ACTR3C: variants seen among roughly 807,000 people sequenced by gnomAD.
ACTR3C encodes the protein actin related protein 3C.
Under a neutral mutation model 26.3 loss-of-function variants are expected in ACTR3C, and 18 were observed. The observed-to-expected ratio is 0.68, with a 90% confidence interval of 0.47 to 1.01. The LOEUF is 1.01. Among genes scored for constraint, ACTR3C ranks in the 50% least tolerant of loss-of-function variants. The probability of loss-of-function intolerance (pLI) is 0.00; values close to 1 mark genes in which losing one functional copy is unlikely to be tolerated. For missense variants in ACTR3C, 184 were observed against 250.7 expected (o/e 0.73, Z 1.80); for synonymous variants, 55 against 94.5 (o/e 0.58, Z 2.42).
At chr7:150,138,368 C>T in the ACTR3C span, among the ~76,000 whole-genome samples, 46 of 150,728 alleles carry the variant, frequency 3.1e-4, no homozygotes, top group Non-Finnish European at 4.6e-4. Flanking sequence ...GAAGAAGGAG[C>T]CACTAGCATC....
At chr7:150,235,020 C>A in the ACTR3C span, among the ~76,000 whole-genome samples, 1 of 152,184 alleles carries the variant, frequency 6.6e-6, no homozygotes, top group Non-Finnish European at 1.5e-5. Flanking sequence ...TAACTGCAGA[C>A]CACATTAGCA....
the ACTR3C span, among the ~76,000 whole-genome samples, chr7:149,896,217 A>T: frequency 6.6e-6 from 1 of 152,230 alleles, no homozygotes; most frequent in African/African-American, 2.4e-5. Context: ...ACAGTTTCTG[A>T]TATGAACTAA....
intron 1 of ACTR3C, among the ~76,000 whole-genome samples, chr7:150,317,195 G>T (rs976083464): frequency 2.0e-5 from 3 of 151,954 alleles, no homozygotes; most frequent in African/African-American, 7.3e-5. Flanking sequence ...GGGATTACAG[G>T]CGTGCAGCAT....
At chr7:150,256,895 T>C (rs1833257933) in intron 6 of ACTR3C, among the ~76,000 whole-genome samples, 1 of 152,214 alleles carries the variant, frequency 6.6e-6, no homozygotes. Context: ...TAAACATGGT[T>C]CATTTAATAA....
At chr7:150,053,055 C>T in the ACTR3C span, among the ~76,000 whole-genome samples, 1 of 102,186 alleles carries the variant, frequency 9.8e-6, no homozygotes, top group East Asian at 3.4e-4. Flanking sequence ...CAAATAATCA[C>T]CTCTCACCCT....
chr7:150,092,014 A>AAAAAAAAAG, the ACTR3C span, among the ~76,000 whole-genome samples: 2 of 144,594 alleles, frequency 1.4e-5, no homozygotes, highest in African/African-American at 2.6e-5. Flanking sequence ...AAAAAAAAAA[A>AAAAAAAAAG]AAAAAAAAGA....
chr7:149,980,527 G>A, the ACTR3C span, among the ~76,000 whole-genome samples: 1 of 152,154 alleles, frequency 6.6e-6, no homozygotes, highest in African/African-American at 2.4e-5. Flanking sequence ...TGAAGCTAGT[G>A]TTTCATTCTT....
At chr7:150,298,180 AAGGAGCT>A (rs1479505568) in intron 1 of ACTR3C, among the ~76,000 whole-genome samples, 2 of 150,792 alleles carry the variant, frequency 1.3e-5, no homozygotes, top group African/African-American at 4.9e-5. Flanking sequence ...TTACAGCAGG[AAGGAGCT>A]AGTTACCCCT....
the ACTR3C span, among the ~76,000 whole-genome samples, chr7:150,117,791 G>C: frequency 2.0e-5 from 3 of 152,232 alleles, no homozygotes; most frequent in Non-Finnish European, 4.4e-5. Flanking sequence ...CTGATGGGGA[G>C]ACACCTCCCA....
At chr7:150,047,914 G>A in the ACTR3C span, 1 of 1,338,630 alleles carries the variant, frequency 7.5e-7, no homozygotes, top group Admixed American at 2.3e-5. Context: ...TTTCTCTCCG[G>A]TTCCCACTCC....
At chr7:150,227,690 TTTTTTTTTTTG>T in the ACTR3C span, among the ~76,000 whole-genome samples, 1 of 129,564 alleles carries the variant, frequency 7.7e-6, no homozygotes, top group Admixed American at 7.5e-5. Flanking sequence ...GTGTCTGGGT[TTTTTTTTTTTG>T]TTTTTTTTTT....
chr7:150,123,766 GC>G, the ACTR3C span, among the ~76,000 whole-genome samples: 2 of 152,206 alleles, frequency 1.3e-5, no homozygotes, highest in Non-Finnish European at 2.9e-5. Context: ...ATGAAAAAGA[GC>G]CAGAAGCTCC....
chr7:150,304,605 C>A (rs1208300212), intron 1 of ACTR3C, among the ~76,000 whole-genome samples: 1 of 151,916 alleles, frequency 6.6e-6, no homozygotes, highest in African/African-American at 2.4e-5. Context: ...AACTCTCCTT[C>A]TTCCTCCTCC....
the ACTR3C span, among the ~76,000 whole-genome samples, chr7:149,903,603 G>A: frequency 0.031 from 4,558 of 149,330 alleles, 8 homozygotes; most frequent in Middle Eastern, 0.089. Context: ...GTGTAGTGGC[G>A]CAATCACAAC....
chr7:149,929,462 G>C, the ACTR3C span, among the ~76,000 whole-genome samples: 1 of 142,392 alleles, frequency 7.0e-6, no homozygotes, highest in Non-Finnish European at 1.5e-5. Context: ...GTCACCAATG[G>C]ATACTTAAAC....
intron 6 of ACTR3C, among the ~76,000 whole-genome samples, chr7:150,275,437 G>T (rs146619022): frequency 6.6e-6 from 1 of 152,234 alleles, no homozygotes; most frequent in African/African-American, 2.4e-5. Flanking sequence ...ACAACCAGGC[G>T]CGGTGGCTCA....
chr7:150,136,158 GATCCCAGGGTGGAAACACTGGC>G, the ACTR3C span, among the ~76,000 whole-genome samples: 88 of 152,286 alleles, frequency 5.8e-4, no homozygotes, highest in African/African-American at 2.0e-3. Flanking sequence ...AGGCCTCCTG[GATCCCAGGGTGGAAACACTGGC>G]ATCCCAGGAA....
At chr7:149,886,074 A>G in the ACTR3C span, among the ~76,000 whole-genome samples, 1 of 152,364 alleles carries the variant, frequency 6.6e-6, no homozygotes, top group East Asian at 1.9e-4. Flanking sequence ...TAATGGACTA[A>G]AGTGCTCAAC....
At chr7:149,944,122 G>C in the ACTR3C span, among the ~76,000 whole-genome samples, 2 of 148,488 alleles carry the variant, frequency 1.3e-5, no homozygotes, top group Admixed American at 1.3e-4. Context: ...TGGATTTCTT[G>C]TGTGTTCAGG....
Sources: allele counts gnomAD v4.1 joint callset (sites outside exome capture counted in the v4.1 genomes callset), GRCh38; gene constraint gnomAD v4.1.1; transcripts MANE v1.5; gene names NCBI Gene and HGNC (gene_info 2026-07-23, HGNC 2026-07-21).